Variants in RBMS3 observed in about 807,000 individuals in gnomAD.
RBMS3 encodes RNA binding motif single stranded interacting protein 3.
In RBMS3, 27 loss-of-function variants were observed where a neutral mutation model predicts 66.8. The ratio of observed to expected loss-of-function variants is 0.40; its 90% CI spans 0.30 to 0.56. The LOEUF (loss-of-function observed/expected upper bound fraction) is 0.56. Ranked by LOEUF, RBMS3 falls within the 20% of genes least tolerant of loss-of-function variation. The pLI, the probability that RBMS3 is intolerant of heterozygous loss-of-function variation, is 0.40. For synonymous variants in RBMS3, 188 were observed against 183.0 expected (o/e 1.03, Z -0.22); for missense variants, 513 against 549.5 (o/e 0.93, Z 0.66).
At chr3:29,366,390 T>C (rs2037903833) in intron 1 of RBMS3, among the ~76,000 whole-genome samples, 1 of 152,158 alleles carries the variant, frequency 6.6e-6, no homozygotes. Flanking sequence ...ATCCTTTTTT[T>C]GTTTGTTTGT....
At chr3:29,546,108 TTGTGTGTGTG>T (rs71091070) in intron 3 of RBMS3, among the ~76,000 whole-genome samples, 40,504 of 145,888 alleles carry the variant, frequency 0.28, 5,656 homozygotes, top group Non-Finnish European at 0.33. Context: ...TGAGACGGGT[TTGTGTGTGTG>T]TGTGTGTGTG....
chr3:29,667,184 A>C (rs373172550), intron 4 of RBMS3, among the ~76,000 whole-genome samples: 133 of 152,354 alleles, frequency 8.7e-4, no homozygotes, highest in African/African-American at 3.1e-3. Context: ...AAGCTATGGC[A>C]ATCTGAATGA....
chr3:29,574,070 G>C (rs1404587533), intron 3 of RBMS3, among the ~76,000 whole-genome samples: 10 of 152,050 alleles, frequency 6.6e-5, no homozygotes, highest in Admixed American at 6.6e-4. Context: ...ATATCTATTA[G>C]GTCCATATTT....
At chr3:29,642,908 C>T (rs2049779294) in intron 4 of RBMS3, 1 of 152,082 alleles carries the variant, frequency 6.6e-6, no homozygotes, top group East Asian at 1.9e-4. Flanking sequence ...TAATTCAAGT[C>T]TGCCTTTCCC....
At chr3:29,885,649 T>C (rs1170951645) in intron 8 of RBMS3, among the ~76,000 whole-genome samples, 1 of 151,834 alleles carries the variant, frequency 6.6e-6, no homozygotes, top group Admixed American at 6.6e-5. Context: ...CAAAGGAAAA[T>C]AGAAACAATA....
intron 12 of RBMS3, among the ~76,000 whole-genome samples, chr3:29,946,289 C>G (rs980342645): frequency 2.0e-5 from 3 of 151,688 alleles, no homozygotes; most frequent in Non-Finnish European, 4.4e-5. Flanking sequence ...ATTGTAATAT[C>G]TCCTTCCCAA....
intron 1 of RBMS3, among the ~76,000 whole-genome samples, chr3:29,291,782 C>T (rs530905196): frequency 1.3e-5 from 2 of 151,724 alleles, no homozygotes; most frequent in Admixed American, 6.6e-5. Flanking sequence ...AATCTACGTG[C>T]CTTTTAAAGA....
In RBMS3 at chr3:29,942,172, A is replaced by T. The variant is rs374450100; in HGVS notation, c.1051-2035A>T. On this transcript the variant is annotated intron_variant, in intron 11 of 14. Coordinates refer to ENST00000383767, the MANE Select transcript of RBMS3 (RefSeq NM_001003793.3). ...TAAACCAGAATGTAATGCAGCATGA[A>T]ATCGTAAGAGAAATAATTGGGAAAA... Among the ~76,000 whole-genome samples the T allele has an allele frequency of 5.3e-5, 8 of 151,950 alleles. No homozygotes were observed. The South Asian group carries it at 8.3e-4, about 16-fold the overall frequency.
chr3:29,580,430 T>C (rs2047283681), intron 3 of RBMS3, among the ~76,000 whole-genome samples: 1 of 152,160 alleles, frequency 6.6e-6, no homozygotes, highest in South Asian at 2.1e-4. Flanking sequence ...CTGGCTCAGT[T>C]GTTCAGCTCT....
intron 8 of RBMS3, among the ~76,000 whole-genome samples, chr3:29,889,206 C>T (rs17618396): frequency 0.057 from 8,581 of 151,652 alleles, 354 homozygotes; most frequent in Non-Finnish European, 0.083. Flanking sequence ...GGAATTCTGT[C>T]TGCCTGAGTT....
intron 1 of RBMS3, among the ~76,000 whole-genome samples, chr3:29,343,051 T>G (rs923290066): frequency 6.6e-6 from 1 of 152,272 alleles, no homozygotes; most frequent in African/African-American, 2.4e-5. Context: ...AGTAGGATAC[T>G]TTTGAAATGG....
chr3:29,464,894 A>G (rs1324189991), intron 2 of RBMS3, among the ~76,000 whole-genome samples: 1 of 152,186 alleles, frequency 6.6e-6, no homozygotes, highest in Non-Finnish European at 1.5e-5. Flanking sequence ...CAATAACAGA[A>G]TATTGGACTG....
intron 1 of RBMS3, among the ~76,000 whole-genome samples, chr3:29,293,450 G>A (rs1027736572): frequency 2.6e-5 from 4 of 151,814 alleles, no homozygotes; most frequent in East Asian, 1.9e-4. Flanking sequence ...GGGTATGGGT[G>A]CAGTCATGCT....
chr3:29,886,811 T>C (rs992160666), intron 8 of RBMS3, among the ~76,000 whole-genome samples: 1 of 151,712 alleles, frequency 6.6e-6, no homozygotes, highest in Non-Finnish European at 1.5e-5. Context: ...ATTAAAATAG[T>C]ACAGTTATAG....
chr3:29,505,281 C>A (rs932970719), intron 3 of RBMS3, among the ~76,000 whole-genome samples: 1 of 151,922 alleles, frequency 6.6e-6, no homozygotes, highest in African/African-American at 2.4e-5. Flanking sequence ...TTGTGGACAT[C>A]TAGCTGTCCC....
At chr3:29,445,133 A>G (rs1268722131) in intron 2 of RBMS3, among the ~76,000 whole-genome samples, 5 of 151,984 alleles carry the variant, frequency 3.3e-5, no homozygotes, top group Non-Finnish European at 7.4e-5. Flanking sequence ...GCCCAAATTC[A>G]TCAGTAATAT....
chr3:29,980,450 G>C (rs1021970098), intron 12 of RBMS3, among the ~76,000 whole-genome samples: 1 of 152,140 alleles, frequency 6.6e-6, no homozygotes, highest in Non-Finnish European at 1.5e-5. Flanking sequence ...GATTCCATTT[G>C]TCAATTTTGG....
At chr3:29,954,329 C>G (rs1482350798) in intron 12 of RBMS3, among the ~76,000 whole-genome samples, 2 of 151,798 alleles carry the variant, frequency 1.3e-5, no homozygotes, top group East Asian at 3.9e-4. Context: ...CTTACCTGGC[C>G]CATTTATAGT....
chr3:29,748,583 G>A (rs2055031328), intron 5 of RBMS3, among the ~76,000 whole-genome samples: 1 of 152,156 alleles, frequency 6.6e-6, no homozygotes, highest in Non-Finnish European at 1.5e-5. Flanking sequence ...GATAATGGTA[G>A]AGGCAGCTAA....
Sources: gnomAD v4.1 joint callset for allele counts (sites outside exome capture counted in the v4.1 genomes callset) on GRCh38, gnomAD v4.1.1 for gene constraint, MANE v1.5 for transcripts, NCBI Gene and HGNC (gene_info 2026-07-23, HGNC 2026-07-21) for gene names.